VMP1: variants seen among roughly 807,000 people sequenced by gnomAD.
VMP1 encodes vacuole membrane protein 1.
Under a neutral mutation model 56.0 loss-of-function variants are expected in VMP1, and 11 were observed. The observed-to-expected ratio is 0.20, with a 90% CI of 0.12 to 0.32. The LOEUF (loss-of-function observed/expected upper bound fraction) is 0.32, where lower values mean the gene tolerates loss of function less well. Ranked by LOEUF, VMP1 falls within the 10% of genes least tolerant of loss-of-function variation. The pLI, the probability that VMP1 is intolerant of heterozygous loss-of-function variation, is 1.00. For missense variants in VMP1, 296 were observed against 490.3 expected (o/e 0.60, Z 3.74); for synonymous variants, 149 against 165.0 (o/e 0.90, Z 0.74).
intron 1 of VMP1, among the ~76,000 whole-genome samples, chr17:59,723,983 AG>A (rs2034493721): frequency 6.6e-6 from 1 of 151,930 alleles, no homozygotes; most frequent in African/African-American, 2.4e-5. Context: ...AGGCCAAGGC[AG>A]GGGGATCACT....
At chr17:59,735,521 T>C (rs746811430) in intron 3 of VMP1, 48 bp downstream of exon 3, 1 of 1,597,016 alleles carries the variant, frequency 6.3e-7, no homozygotes, top group South Asian at 1.1e-5. Flanking sequence ...CATTTACTCA[T>C]TTAAAAAATC....
intron 7 of VMP1, among the ~76,000 whole-genome samples, chr17:59,777,468 T>C (rs1157729086): frequency 6.6e-6 from 1 of 152,078 alleles, no homozygotes; most frequent in Non-Finnish European, 1.5e-5. Flanking sequence ...TTTTTTTTTT[T>C]TTCCTCTCTA....
intron 7 of VMP1, among the ~76,000 whole-genome samples, chr17:59,805,706 G>A (rs7220303): frequency 6.7e-6 from 1 of 150,042 alleles, no homozygotes; most frequent in Non-Finnish European, 1.5e-5. Context: ...CAGGACACCA[G>A]ACCTTCTAAA....
At chr17:59,746,323 C>A (rs1252127088) in intron 5 of VMP1, among the ~76,000 whole-genome samples, 1 of 152,082 alleles carries the variant, frequency 6.6e-6, no homozygotes, top group Non-Finnish European at 1.5e-5. Flanking sequence ...AGGTGTGCAC[C>A]GCCACACCCA....
chr17:59,713,081 G>T (rs531264487), intron 1 of VMP1, among the ~76,000 whole-genome samples: 1 of 152,164 alleles, frequency 6.6e-6, no homozygotes, highest in African/African-American at 2.4e-5. Context: ...TTTAGTGACT[G>T]GGTGGGTGGT....
intron 10 of VMP1, among the ~76,000 whole-genome samples, chr17:59,826,307 G>A (rs1316125076): frequency 1.3e-5 from 2 of 152,180 alleles, no homozygotes; most frequent in East Asian, 1.9e-4. Context: ...TGAGAAATGG[G>A]TACATTGTAT....
At chr17:59,726,513 C>G (rs940806701) in intron 1 of VMP1, among the ~76,000 whole-genome samples, 3 of 152,086 alleles carry the variant, frequency 2.0e-5, no homozygotes, top group African/African-American at 7.2e-5. Flanking sequence ...AGGCTGGTCT[C>G]GAACTCCTGA....
intron 1 of VMP1, among the ~76,000 whole-genome samples, chr17:59,718,380 T>C (rs540581549): frequency 3.5e-4 from 53 of 150,950 alleles, no homozygotes; most frequent in Non-Finnish European, 6.8e-4. Context: ...GTACTTTTAG[T>C]AGAGATGGGG....
At chr17:59,722,252 A>C (rs915126341) in intron 1 of VMP1, among the ~76,000 whole-genome samples, 6 of 152,122 alleles carry the variant, frequency 3.9e-5, no homozygotes, top group African/African-American at 1.4e-4. Flanking sequence ...ACAAAATACT[A>C]TTTGGGAGCA....
At chr17:59,811,895 T>C (rs2038063148) in intron 9 of VMP1, 109 bp downstream of exon 9, 1 of 807,950 alleles carries the variant, frequency 1.2e-6, no homozygotes, top group Admixed American at 2.3e-5. Flanking sequence ...GCTTTTTTGG[T>C]TGGTAGCTTA....
intron 1 of VMP1, chr17:59,708,004 C>T (rs1342061621): frequency 6.6e-6 from 1 of 152,264 alleles, no homozygotes; most frequent in African/African-American, 2.4e-5. Context: ...GTTCGTTCTC[C>T]TCTCCGCGTA....
At chr17:59,838,429 T>C (rs1568242282) in intron 11 of VMP1, 32 bp downstream of exon 11, 1 of 1,609,158 alleles carries the variant, frequency 6.2e-7, no homozygotes, top group East Asian at 2.2e-5. Context: ...TTCTCCCCTC[T>C]GGGAAGTTTC....
intron 5 of VMP1, among the ~76,000 whole-genome samples, chr17:59,742,453 G>T (rs762213168): frequency 1.1e-4 from 16 of 151,568 alleles, no homozygotes; most frequent in Non-Finnish European, 2.2e-4. Flanking sequence ...GAAGCTCAAG[G>T]TCACAGTGAA....
intron 2 of VMP1, among the ~76,000 whole-genome samples, chr17:59,734,459 G>A (rs1259781049): frequency 6.6e-6 from 1 of 152,252 alleles, no homozygotes; most frequent in Non-Finnish European, 1.5e-5. Flanking sequence ...GGGCTTGGCT[G>A]CAGTAGCTCA....
intron 9 of VMP1, among the ~76,000 whole-genome samples, chr17:59,812,152 T>A (rs565870195): frequency 6.6e-6 from 1 of 152,336 alleles, no homozygotes; most frequent in South Asian, 2.1e-4. Flanking sequence ...TTGTTTGTTT[T>A]GTTTTGTTTT....
chr17:59,734,284 A>G (rs760036337), intron 2 of VMP1, among the ~76,000 whole-genome samples: 1 of 152,234 alleles, frequency 6.6e-6, no homozygotes, highest in Non-Finnish European at 1.5e-5. Flanking sequence ...CATGACCCCT[A>G]GTGGATATAG....
chr17:59,783,686 A>G (rs1319326059), intron 7 of VMP1, among the ~76,000 whole-genome samples: 1 of 152,014 alleles, frequency 6.6e-6, no homozygotes, highest in Admixed American at 6.6e-5. Flanking sequence ...CTTTCCTCCC[A>G]TCCCCAGTAA....
At chr17:59,718,796 C>T (rs1290371350) in intron 1 of VMP1, among the ~76,000 whole-genome samples, 3 of 152,000 alleles carry the variant, frequency 2.0e-5, no homozygotes, top group South Asian at 2.1e-4. Context: ...CCTCCCAAAA[C>T]GATAGGGTTA....
intron 1 of VMP1, among the ~76,000 whole-genome samples, chr17:59,720,077 G>A (rs1053378955): frequency 2.0e-5 from 3 of 152,072 alleles, no homozygotes; most frequent in Non-Finnish European, 2.9e-5. Flanking sequence ...ACGTGCACTC[G>A]GTGCAAAGTA....
Sources: gnomAD v4.1 joint callset for allele counts (sites outside exome capture counted in the v4.1 genomes callset) on GRCh38, gnomAD v4.1.1 for gene constraint, MANE v1.5 for transcripts, NCBI Gene and HGNC (gene_info 2026-07-23, HGNC 2026-07-21) for gene names.